RCBTB1: variants seen among roughly 807,000 people sequenced by gnomAD.
RCBTB1 encodes the protein RCC1 and BTB domain containing protein 1, also known as RCC1 and BTB domain-containing protein 1.
RCBTB1 carries 46 observed loss-of-function variants against 62.4 expected under a neutral mutation model. The ratio of observed to expected loss-of-function variants is 0.74; its 90% CI spans 0.58 to 0.94. The LOEUF (loss-of-function observed/expected upper bound fraction) is 0.94, where lower values mean the gene tolerates loss of function less well. Among genes scored for constraint, RCBTB1 ranks in the 40% least tolerant of loss-of-function variants. The probability of loss-of-function intolerance (pLI) is 0.00; values close to 1 mark genes in which losing one functional copy is unlikely to be tolerated. For missense variants in RCBTB1, 565 were observed against 654.9 expected, an observed-to-expected ratio of 0.86 and a Z score of 1.50; for synonymous variants, 222 against 245.8, an observed-to-expected ratio of 0.90 and a Z score of 0.91.
At chr13:49,550,391 G>T (rs1961227137) in intron 8 of RCBTB1, 1 of 975,434 alleles carries the variant, frequency 1.0e-6, no homozygotes, top group African/African-American at 1.8e-5. Context: ...CAATCCAAAA[G>T]GAAAACAAGC....
intron 9 of RCBTB1, 148 bp downstream of exon 9, chr13:49,549,310 G>T: frequency 1.5e-6 from 1 of 672,700 alleles, no homozygotes; most frequent in Non-Finnish European, 2.4e-6. Context: ...GAATACATTT[G>T]ATTATGCACA....
chr13:49,543,314 T>C (rs780457030), intron 10 of RCBTB1, among the ~76,000 whole-genome samples: 1 of 152,016 alleles, frequency 6.6e-6, no homozygotes, highest in African/African-American at 2.4e-5. Flanking sequence ...ATAGTTTCAC[T>C]TACATAAAAA....
In RCBTB1 at chr13:49,539,105, A is replaced by T. The variant is rs567597026; in HGVS notation, c.1455+1771T>A. Among the ~76,000 whole-genome samples, 79 of 152,168 alleles carry T rather than the reference A, an allele frequency of 5.2e-4. No individual in the cohort carries two copies. In the South Asian group the frequency reaches 5.4e-3, roughly 10 times the overall value. Reference sequence around the variant, plus strand: ...GGCTGGTCTCAAACTCCTGATCTCAAGTGGCCCACCTTGGCCTCCCAAAGT... The same window carrying T: ...GGCTGGTCTCAAACTCCTGATCTCATGTGGCCCACCTTGGCCTCCCAAAGT... On this transcript the variant is annotated intron_variant, in intron 12 of 12. Coordinates refer to ENST00000378302, the MANE Select transcript of RCBTB1 (RefSeq NM_018191.4).
chr13:49,544,976 T>G, intron 9 of RCBTB1, 113 bp from the exon 10 acceptor site: 1 of 849,370 alleles, frequency 1.2e-6, no homozygotes, highest in Non-Finnish European at 1.8e-6. Flanking sequence ...TGTTTTTTTT[T>G]CAAGAGTTCA....
In RCBTB1 at chr13:49,551,475, G is replaced by A. The variant is rs1300856381; in HGVS notation, c.712-7C>T. 6.2e-7 allele frequency: 1 copy of A among 1,613,800 alleles called. No homozygotes were observed. The stretch of plus-strand genomic sequence containing the variant: ...GTGCGTAACCGCAGACAATCTGCAA[G>A]TAAATTGAAACGGTTACCATTAGCA... On this transcript the variant is annotated splice_region_variant and splice_polypyrimidine_tract_variant and intron_variant, in intron 7 of 12. Transcript: ENST00000378302.
At chr13:49,560,248 G>C (rs1423366506) in intron 4 of RCBTB1, among the ~76,000 whole-genome samples, 164 bp from the exon 5 acceptor site, 1 of 152,140 alleles carries the variant, frequency 6.6e-6, no homozygotes, top group Non-Finnish European at 1.5e-5. Context: ...GAGAGAGATG[G>C]GTGACAGAAC....
intron 7 of RCBTB1, among the ~76,000 whole-genome samples, chr13:49,551,778 T>C (rs1445639353): frequency 6.6e-6 from 1 of 151,840 alleles, no homozygotes; most frequent in African/African-American, 2.4e-5. Context: ...CGGCCATCTG[T>C]AGTCCCAGCT....
intron 2 of RCBTB1, 72 bp from the exon 3 acceptor site, chr13:49,567,392 TAATA>T: frequency 9.3e-7 from 1 of 1,077,360 alleles, no homozygotes. Context: ...AAAGACCTGT[TAATA>T]AATACTAACA....
chr13:49,566,751 C>T lies in RCBTB1; in HGVS notation c.144G>A (p.Leu48=), dbSNP rs750155872. The T allele has an allele frequency of 1.2e-6, 2 of 1,610,840 alleles. No individual in the cohort carries two copies. The highest frequency in any genetic ancestry group is 2.2e-5 in the South Asian group (2 of 90,050). The part of the protein sequence containing the change: ...TDNDEVFVFG[L]NYSNCLGTGD... Reference sequence around the variant, plus strand: ...CAGTTCCTAGACAGTTACTATAGTTCAGTCCAAATACAAAGACCTAGAAAA... The same window carrying T: ...CAGTTCCTAGACAGTTACTATAGTTTAGTCCAAATACAAAGACCTAGAAAA... Residue 48 remains leucine (L), a synonymous_variant, in exon 4 of 13, where the codon CTG becomes CTA. Coordinates refer to ENST00000378302, the MANE Select transcript of RCBTB1 (RefSeq NM_018191.4).
intron 12 of RCBTB1, among the ~76,000 whole-genome samples, chr13:49,536,023 CAAA>C (rs1278525748): frequency 5.0e-5 from 4 of 79,994 alleles, no homozygotes; most frequent in Non-Finnish European, 7.9e-5. Context: ...AACTCCATCT[CAAA>C]AAAAAAAAAA....
Position 49,558,490 on chromosome 13 carries a change from G to A in RCBTB1, c.444+1428C>T, listed in dbSNP as rs138304379. Reference sequence around the variant, plus strand: ...GAGGATCACCTGAGGTCAGGAGTTCGAGACCAGCCTGGCCAACATGGTGAA... The same window carrying A: ...GAGGATCACCTGAGGTCAGGAGTTCAAGACCAGCCTGGCCAACATGGTGAA... On this transcript the variant is annotated intron_variant, in intron 5 of 12. Coordinates refer to ENST00000378302, the MANE Select transcript of RCBTB1 (RefSeq NM_018191.4). Among the ~76,000 whole-genome samples the A allele has an allele frequency of 1.1e-3, 174 of 152,008 alleles. 1 individual carries two copies. Among genetic ancestry groups the A allele is most frequent in the African/African-American group, 4.0e-3 (165 of 41,450 alleles).
Position 49,559,986 on chromosome 13 carries a change from A to G in RCBTB1, c.376T>C (p.Leu126=). 6.2e-7 allele frequency: 1 copy of G among 1,614,188 alleles called. No individual in the cohort carries two copies. The highest frequency in any genetic ancestry group is 1.3e-5 in the African/African-American group (1 of 75,068). The change falls in exon 5 of 13, where the codon TTG becomes CTG. Residue 126 remains leucine (L), a synonymous_variant. Transcript: ENST00000378302. The stretch of plus-strand genomic sequence containing the variant: ...GCTACTTCCACCACTTGCTTGATCA[A>G]GAGATTGGTACAGACCTGGACGGGA... ...IAPVQVCTNL[L]IKQVVEVACG...
intron 2 of RCBTB1, among the ~76,000 whole-genome samples, chr13:49,571,313 C>T (rs1886793): frequency 0.83 from 126,876 of 151,988 alleles, 53,110 homozygotes; most frequent in East Asian, 0.89. Context: ...ACCACTGCAC[C>T]CCAGCCTGGG....
chr13:49,564,368 C>T (rs879107346), intron 4 of RCBTB1, among the ~76,000 whole-genome samples: 4 of 151,888 alleles, frequency 2.6e-5, no homozygotes, highest in African/African-American at 7.3e-5. Flanking sequence ...GGGCGGATCA[C>T]GAGGTCAGGA....
intron 4 of RCBTB1, among the ~76,000 whole-genome samples, chr13:49,565,588 G>T (rs1269722132): frequency 7.7e-6 from 1 of 129,218 alleles, no homozygotes; most frequent in Non-Finnish European, 1.6e-5. Context: ...CTGCCCGGCC[G>T]CCCATCGTCT....
chr13:49,561,269 C>T (rs979069908), intron 4 of RCBTB1, among the ~76,000 whole-genome samples: 7 of 152,176 alleles, frequency 4.6e-5, no homozygotes, highest in African/African-American at 1.7e-4. Context: ...CAGCAGTCCC[C>T]AGGCAACCAG....
At chr13:49,571,072 C>A (rs1226275433) in intron 2 of RCBTB1, among the ~76,000 whole-genome samples, 1 of 152,122 alleles carries the variant, frequency 6.6e-6, no homozygotes, top group African/African-American at 2.4e-5. Context: ...CCAGGCCGGG[C>A]GGGGTAGCTC....
intron 8 of RCBTB1, chr13:49,551,063 A>C: frequency 2.6e-6 from 1 of 384,082 alleles, no homozygotes; most frequent in East Asian, 5.6e-5. Context: ...AGATCGTGCC[A>C]TTGCACTCCA....
At chr13:49,582,269 C>A (rs991385019) in intron 1 of RCBTB1, among the ~76,000 whole-genome samples, 3 of 152,058 alleles carry the variant, frequency 2.0e-5, no homozygotes, top group South Asian at 2.1e-4. Flanking sequence ...GGTGGATCAT[C>A]TGATGTCAGG....
Sources: gnomAD v4.1 joint callset for allele counts (sites outside exome capture counted in the v4.1 genomes callset) on GRCh38, gnomAD v4.1.1 for gene constraint, MANE v1.5 for transcripts, NCBI Gene and HGNC (gene_info 2026-07-23, HGNC 2026-07-21) for gene names.